The following XNDC1N variants were observed in gnomAD, a reference collection of about 807,000 sequenced individuals.
XNDC1N encodes XRCC1 N-terminal domain containing 1, N-terminal like, also known as protein XNDC1N.
At chr11:71,896,136 G>A in the XNDC1N span, among the ~76,000 whole-genome samples, 18 of 152,236 alleles carry the variant, frequency 1.2e-4, no homozygotes, top group Admixed American at 2.6e-4. Context: ...AAAATGAGTC[G>A]GGCGTGGTGA....
chr11:71,923,013 C>G, the XNDC1N span, among the ~76,000 whole-genome samples: 2 of 152,226 alleles, frequency 1.3e-5, no homozygotes, highest in East Asian at 3.9e-4. Flanking sequence ...TCAAACTCCC[C>G]TTCTGAGGAT....
the XNDC1N span, among the ~76,000 whole-genome samples, chr11:71,897,798 A>T: frequency 5.3e-5 from 8 of 152,244 alleles, no homozygotes; most frequent in East Asian, 1.5e-3. Context: ...AACAGCCAAA[A>T]TGTGGAAGCA....
chr11:71,905,633 C>A, the XNDC1N span, among the ~76,000 whole-genome samples: 1 of 152,072 alleles, frequency 6.6e-6, no homozygotes, highest in African/African-American at 2.4e-5. Context: ...GCTATCACAT[C>A]ACAGAGTGTA....
At chr11:71,888,301 A>G in the XNDC1N span, among the ~76,000 whole-genome samples, 3 of 152,218 alleles carry the variant, frequency 2.0e-5, no homozygotes, top group Non-Finnish European at 2.9e-5. Context: ...AGCGGAGCCT[A>G]AGAGCTGAAG....
At chr11:71,907,821 A>T in the XNDC1N span, among the ~76,000 whole-genome samples, 2 of 152,162 alleles carry the variant, frequency 1.3e-5, no homozygotes, top group Non-Finnish European at 2.9e-5. Context: ...CCATATATGT[A>T]GTCATATCAC....
the XNDC1N span, among the ~76,000 whole-genome samples, chr11:71,869,325 G>C: frequency 6.6e-6 from 1 of 152,112 alleles, no homozygotes; most frequent in Non-Finnish European, 1.5e-5. Context: ...CCTCGGGATA[G>C]TTTGCTGAGA....
chr11:71,907,572 C>T, the XNDC1N span, among the ~76,000 whole-genome samples: 5 of 152,110 alleles, frequency 3.3e-5, no homozygotes, highest in East Asian at 5.8e-4. Context: ...TTTCACAGAC[C>T]GCTGTACACC....
At chr11:71,867,383 GC>G in the XNDC1N span, among the ~76,000 whole-genome samples, 5 of 152,318 alleles carry the variant, frequency 3.3e-5, no homozygotes, top group Non-Finnish European at 7.3e-5. Flanking sequence ...ACCCACTAGA[GC>G]CCAAGACCAA....
At chr11:71,918,504 A>G in the XNDC1N span, among the ~76,000 whole-genome samples, 1 of 151,444 alleles carries the variant, frequency 6.6e-6, no homozygotes, top group Non-Finnish European at 1.5e-5. Flanking sequence ...CTGATCTCAC[A>G]CTCCTGGGCT....
At chr11:71,889,668 G>A in the XNDC1N span, among the ~76,000 whole-genome samples, 1 of 152,124 alleles carries the variant, frequency 6.6e-6, no homozygotes, top group Non-Finnish European at 1.5e-5. Context: ...TGTCTGCCCT[G>A]GCCAAAACGG....
At chr11:71,894,797 A>G in the XNDC1N span, among the ~76,000 whole-genome samples, 7,378 of 146,744 alleles carry the variant, frequency 0.05, 528 homozygotes, top group African/African-American at 0.16. Flanking sequence ...GTTCAAAGTT[A>G]TGTAGTTATA....
chr11:71,906,299 TCA>T, the XNDC1N span, among the ~76,000 whole-genome samples: 1 of 151,788 alleles, frequency 6.6e-6, no homozygotes, highest in Non-Finnish European at 1.5e-5. Flanking sequence ...ATGAATACTA[TCA>T]CAGGGTGTAC....
At chr11:71,897,164 T>C in the XNDC1N span, among the ~76,000 whole-genome samples, 5 of 152,170 alleles carry the variant, frequency 3.3e-5, no homozygotes, top group African/African-American at 1.2e-4. Flanking sequence ...TGACATCAGA[T>C]TGGGCAATGT....
the XNDC1N span, among the ~76,000 whole-genome samples, chr11:71,886,184 G>GA: frequency 6.6e-6 from 1 of 151,954 alleles, no homozygotes; most frequent in Non-Finnish European, 1.5e-5. Context: ...CTTCTCAACT[G>GA]AAAAAACAAT....
chr11:71,891,532 G>T, the XNDC1N span, among the ~76,000 whole-genome samples: 1 of 152,090 alleles, frequency 6.6e-6, no homozygotes, highest in Admixed American at 6.5e-5. Flanking sequence ...GACATTGGAT[G>T]TAATATGATC....
At chr11:71,899,972 G>A in the XNDC1N span, among the ~76,000 whole-genome samples, 1 of 152,244 alleles carries the variant, frequency 6.6e-6, no homozygotes, top group Admixed American at 6.5e-5. Flanking sequence ...ATGGTGGGAG[G>A]CGAGACAAGT....
chr11:71,899,484 T>C, the XNDC1N span, among the ~76,000 whole-genome samples: 1 of 152,232 alleles, frequency 6.6e-6, no homozygotes, highest in Non-Finnish European at 1.5e-5. Flanking sequence ...TGAGATGTTG[T>C]TAATGTGTAG....
chr11:71,893,781 G>C, the XNDC1N span: 13 of 1,095,302 alleles, frequency 1.2e-5, no homozygotes, highest in East Asian at 3.9e-4. Flanking sequence ...TTTCCTTCTT[G>C]CTCCTTTTTG....
chr11:71,887,044 G>C, the XNDC1N span, among the ~76,000 whole-genome samples: 1 of 152,204 alleles, frequency 6.6e-6, no homozygotes, highest in African/African-American at 2.4e-5. Flanking sequence ...CAAGGAGGAA[G>C]GGGCCCTGCT....
Sources: allele counts gnomAD v4.1 joint callset (sites outside exome capture counted in the v4.1 genomes callset), GRCh38; gene constraint gnomAD v4.1.1; transcripts MANE v1.5; gene names NCBI Gene and HGNC (gene_info 2026-07-23, HGNC 2026-07-21).